RARB: variants seen among roughly 807,000 people sequenced by gnomAD.
The protein encoded by RARB is HBV-activated protein.
A neutral mutation model predicts 51.9 loss-of-function variants in RARB; 17 were observed. The observed-to-expected ratio is 0.33, with a 90% CI of 0.22 to 0.49. The LOEUF is 0.49. Ranked by LOEUF, RARB falls within the 20% of genes least tolerant of loss-of-function variation. The pLI, the probability that RARB is intolerant of heterozygous loss-of-function variation, is 0.99. For synonymous variants in RARB, 215 were observed against 195.4 expected (o/e 1.10, Z -0.84); for missense variants, 369 against 550.8 (o/e 0.67, Z 3.30).
chr3:25,277,526 C>T (rs974585494), intron 5 of RARB, among the ~76,000 whole-genome samples: 1 of 152,184 alleles, frequency 6.6e-6, no homozygotes, highest in African/African-American at 2.4e-5. Flanking sequence ...TCAGAAGACT[C>T]TCATGGGCCT....
intron 5 of RARB, among the ~76,000 whole-genome samples, chr3:25,345,637 C>T (rs941890434): frequency 2.7e-5 from 4 of 146,462 alleles, no homozygotes; most frequent in African/African-American, 1.0e-4. Flanking sequence ...TGCACTCCAG[C>T]CTGGGTGACA....
chr3:25,359,406 ATT>A (rs1299223040), intron 5 of RARB, among the ~76,000 whole-genome samples: 19 of 149,138 alleles, frequency 1.3e-4, no homozygotes, highest in South Asian at 8.4e-4. Context: ...TATTTTGTTA[ATT>A]TTTTAAAAAA....
At chr3:25,463,122 C>G (rs1252767172) in intron 2 of RARB, among the ~76,000 whole-genome samples, 1 of 152,180 alleles carries the variant, frequency 6.6e-6, no homozygotes, top group African/African-American at 2.4e-5. Flanking sequence ...ATCCTCCCAC[C>G]TTGGCCTCCC....
chr3:25,264,007 C>A (rs1042736588), intron 5 of RARB, among the ~76,000 whole-genome samples: 1 of 152,050 alleles, frequency 6.6e-6, no homozygotes, highest in Non-Finnish European at 1.5e-5. Context: ...TGCACAATGG[C>A]AACAGAATTC....
At chr3:25,122,828 C>T (rs1027154324) in intron 3 of RARB, among the ~76,000 whole-genome samples, 14 of 152,138 alleles carry the variant, frequency 9.2e-5, no homozygotes, top group African/African-American at 3.4e-4. Flanking sequence ...TCTCACATTT[C>T]CCAAGGGAAG....
intron 2 of RARB, among the ~76,000 whole-genome samples, chr3:24,950,378 C>A (rs1481508138): frequency 1.3e-4 from 20 of 152,150 alleles, no homozygotes; most frequent in African/African-American, 4.8e-5. Context: ...CCTAGAGATC[C>A]ATATGATGGG....
At chr3:24,912,254 A>T (rs367564472) in intron 2 of RARB, among the ~76,000 whole-genome samples, 1 of 152,148 alleles carries the variant, frequency 6.6e-6, no homozygotes, top group African/African-American at 2.4e-5. Flanking sequence ...TACGAATCCT[A>T]CTTCTTCCAT....
At chr3:25,582,090 C>G (rs1310698196) in intron 5 of RARB, among the ~76,000 whole-genome samples, 2 of 152,068 alleles carry the variant, frequency 1.3e-5, no homozygotes, top group Non-Finnish European at 2.9e-5. Context: ...AACAGGAGCC[C>G]TTAGGGATAG....
intron 3 of RARB, among the ~76,000 whole-genome samples, chr3:25,540,602 A>G (rs776355541): frequency 6.6e-6 from 1 of 152,186 alleles, no homozygotes; most frequent in Non-Finnish European, 1.5e-5. Flanking sequence ...GATTGTACCC[A>G]GCATCCCAGC....
At position 25,053,502 on chromosome 3, in the gene RARB, A is replaced by C. The variant is rs145591507; in HGVS notation, c.-379-6623A>C. Among the ~76,000 whole-genome samples the C allele has an allele frequency of 8.1e-4, 124 of 152,316 alleles. 1 individual carries two copies. The East Asian group carries it at 0.021, about 26-fold the overall frequency. On this transcript the variant is annotated intron_variant, in intron 2 of 11. Coordinates refer to the RARB transcript ENST00000383772. ...GCGGCAGTTCCTAAAACACAAATGC[A>C]AAGTTTGCATTGCCATTCCAGCCGG...
intron 5 of RARB, among the ~76,000 whole-genome samples, chr3:25,304,306 T>C (rs549578167): frequency 2.0e-5 from 3 of 152,198 alleles, no homozygotes; most frequent in Non-Finnish European, 4.4e-5. Context: ...ATTTGCTCCA[T>C]TTCCACATCT....
chr3:25,073,391 A>C (rs1414844630), intron 3 of RARB, among the ~76,000 whole-genome samples: 17 of 152,324 alleles, frequency 1.1e-4, no homozygotes. Flanking sequence ...CTATGTTAGG[A>C]TGTTGTCCCA....
At chr3:24,909,618 A>G (rs2125378186) in intron 2 of RARB, among the ~76,000 whole-genome samples, 1 of 151,386 alleles carries the variant, frequency 6.6e-6, no homozygotes, top group Non-Finnish European at 1.5e-5. Context: ...TTTGACTTAA[A>G]CCTTCCATTA....
intron 2 of RARB, among the ~76,000 whole-genome samples, chr3:24,947,697 G>GT (rs1283829290): frequency 1.3e-5 from 2 of 152,120 alleles, no homozygotes; most frequent in East Asian, 1.9e-4. Context: ...CCTTACCCTG[G>GT]TAAAGCATGG....
Position 25,384,113 on chromosome 3 carries a change from A to G in RARB, c.179-77080A>G, listed in dbSNP as rs545965813. 1.9e-3 allele frequency among the ~76,000 whole-genome samples: 288 copies of G among 152,272 alleles called. 2 individuals are homozygous for G. The highest frequency in any genetic ancestry group is 6.4e-3 in the African/African-American group (267 of 41,548). On this transcript the variant is annotated intron_variant, in intron 5 of 11. Transcript: ENST00000383772. The stretch of plus-strand genomic sequence containing the variant: ...CTTAACTTCTTGAAACAAACCATCA[A>G]ACAGAATCCACTTTTCTGTCAAATA...
intron 2 of RARB, among the ~76,000 whole-genome samples, chr3:24,966,302 G>A (rs1696254198): frequency 6.6e-6 from 1 of 152,040 alleles, no homozygotes; most frequent in African/African-American, 2.4e-5. Flanking sequence ...GACTGGGATG[G>A]GGAGTTGTAG....
At chr3:25,153,804 C>T (rs1460046635) in intron 4 of RARB, among the ~76,000 whole-genome samples, 1 of 152,174 alleles carries the variant, frequency 6.6e-6, no homozygotes, top group Non-Finnish European at 1.5e-5. Flanking sequence ...CAAGTGAGAA[C>T]ATGTGATGTT....
chr3:24,863,980 C>G (rs1702803386), intron 2 of RARB, among the ~76,000 whole-genome samples: 2 of 152,112 alleles, frequency 1.3e-5, no homozygotes, highest in Admixed American at 6.5e-5. Flanking sequence ...CCTGCCAATC[C>G]CAATTCTTCA....
At chr3:24,914,055 C>G (rs185178732) in intron 2 of RARB, among the ~76,000 whole-genome samples, 1 of 152,310 alleles carries the variant, frequency 6.6e-6, no homozygotes, top group African/African-American at 2.4e-5. Context: ...GCCAATCACA[C>G]ATGAAATCAT....
Sources: gnomAD v4.1 joint callset for allele counts (sites outside exome capture counted in the v4.1 genomes callset) on GRCh38, gnomAD v4.1.1 for gene constraint, MANE v1.5 for transcripts, NCBI Gene and HGNC (gene_info 2026-07-23, HGNC 2026-07-21) for gene names.